SCAI: variants seen among roughly 807,000 people sequenced by gnomAD.
SCAI encodes the protein suppressor of cancer cell invasion, also known as protein SCAI.
Under a neutral mutation model 92.2 loss-of-function variants are expected in SCAI, and 24 were observed. The observed-to-expected ratio is 0.26, with a 90% CI of 0.19 to 0.37. The LOEUF is 0.37. Ranked by LOEUF, SCAI falls within the 10% of genes least tolerant of loss-of-function variation. SCAI has a pLI of 1.00. For missense variants in SCAI, 450 were observed against 736.2 expected (o/e 0.61, Z 4.50); for synonymous variants, 261 against 258.6 (o/e 1.01, Z -0.09).
chr9:124,958,933 A>G (rs1831376482), intron 17 of SCAI, among the ~76,000 whole-genome samples: 1 of 151,728 alleles, frequency 6.6e-6, no homozygotes, highest in African/African-American at 2.4e-5. Flanking sequence ...ACAAACAAAA[A>G]AACAAAATCT....
intron 15 of SCAI, 50 bp downstream of exon 15, chr9:124,976,064 A>T (rs778576601): frequency 9.0e-7 from 1 of 1,109,240 alleles, no homozygotes; most frequent in Non-Finnish European, 1.4e-6. Flanking sequence ...CATAATATAG[A>T]TAGTGTTTAT....
chr9:124,945,427 C>CGGGT lies in SCAI; in HGVS notation c.*7379_*7380insACCC, dbSNP rs1831130675. 1.3e-5 allele frequency: 2 copies of CGGGT among 152,008 alleles called. No homozygotes were observed. Among genetic ancestry groups the CGGGT allele is most frequent in the African/African-American group, 2.4e-5 (1 of 41,366 alleles). 9.4% of individuals were successfully genotyped at this position (152,008 alleles called of 1,614,324 possible). A position where few individuals can be genotyped will look rare whatever the true frequency, so the allele number is the denominator to read the frequency against. Reference sequence around the variant, plus strand: ...AAAATTAGCTGGTCGTGGTGGCACACGCCTGTAATCCCAGCTACTTGGGAG... The same window carrying CGGGT: ...AAAATTAGCTGGTCGTGGTGGCACACGGGTGCCTGTAATCCCAGCTACTTGGGAG... On this transcript the variant is annotated 3_prime_UTR_variant, in exon 18 of 18. Coordinates refer to ENST00000336505, the MANE Select transcript of SCAI (RefSeq NM_001144877.3).
At chr9:125,089,566 C>T (rs1349736925) in intron 2 of SCAI, among the ~76,000 whole-genome samples, 2 of 152,204 alleles carry the variant, frequency 1.3e-5, no homozygotes, top group Non-Finnish European at 2.9e-5. Flanking sequence ...AAGGCAGAAT[C>T]TTAGGCCCCA....
At chr9:125,002,080 A>C in intron 11 of SCAI, 37 bp from the exon 12 acceptor site, 1 of 1,304,606 alleles carries the variant, frequency 7.7e-7, no homozygotes, top group Non-Finnish European at 1.1e-6. Flanking sequence ...AAAACAACAA[A>C]CAAGGATAAA....
intron 2 of SCAI, among the ~76,000 whole-genome samples, chr9:125,131,476 G>T (rs1034525483): frequency 2.0e-5 from 3 of 151,866 alleles, no homozygotes; most frequent in Non-Finnish European, 2.9e-5. Flanking sequence ...CCTGAGGCTA[G>T]GCTTGTTAAC....
intron 9 of SCAI, among the ~76,000 whole-genome samples, chr9:125,011,484 A>G (rs1832638927): frequency 6.6e-6 from 1 of 152,226 alleles, no homozygotes; most frequent in South Asian, 2.1e-4. Context: ...GTTTAGAGAA[A>G]AAAGAATAAA....
intron 2 of SCAI, among the ~76,000 whole-genome samples, chr9:125,128,585 C>G (rs571394058): frequency 6.6e-6 from 1 of 151,636 alleles, no homozygotes; most frequent in Non-Finnish European, 1.5e-5. Flanking sequence ...AATGCCGTCT[C>G]TACTAAAAAT....
At chr9:124,956,571 T>C (rs1831318313) in intron 17 of SCAI, among the ~76,000 whole-genome samples, 1 of 152,172 alleles carries the variant, frequency 6.6e-6, no homozygotes, top group South Asian at 2.1e-4. Context: ...ACAGAATATA[T>C]TAGATCAGTA....
At chr9:124,963,811 T>G (rs1278191034) in intron 17 of SCAI, among the ~76,000 whole-genome samples, 1 of 87,736 alleles carries the variant, frequency 1.1e-5, no homozygotes, top group Non-Finnish European at 2.4e-5. Context: ...GGAAGAGAAA[T>G]ATATTTACTA....
intron 14 of SCAI, among the ~76,000 whole-genome samples, chr9:124,982,458 G>C (rs1048398563): frequency 1.3e-5 from 2 of 151,994 alleles, no homozygotes; most frequent in Non-Finnish European, 2.9e-5. Flanking sequence ...GTTCATCTGA[G>C]GTCAGGAGTT....
intron 9 of SCAI, among the ~76,000 whole-genome samples, chr9:125,014,621 G>A (rs576662950): frequency 6.6e-6 from 1 of 152,148 alleles, no homozygotes; most frequent in South Asian, 2.1e-4. Context: ...GTAATTTATA[G>A]ATTCAATGCC....
In SCAI at chr9:124,994,891, G is replaced by A; in HGVS notation, c.1326+43C>T. 2.2e-6 allele frequency: 3 copies of A among 1,368,772 alleles called. 1 individual carries two copies. Among genetic ancestry groups the A allele is most frequent in the South Asian group, 2.4e-5 (2 of 82,178 alleles). The allele number at this position is 1,368,772 out of a possible 1,614,324, so 84.8% of individuals were successfully genotyped here. Reference sequence around the variant, plus strand: ...ATTAAGAGTGGGTACCCTTGGGTTGGTGCCACAATGTCTACCTGTGCAATA... The same window carrying A: ...ATTAAGAGTGGGTACCCTTGGGTTGATGCCACAATGTCTACCTGTGCAATA... On this transcript the variant is annotated intron_variant, in intron 14 of 17. Coordinates refer to ENST00000336505, the MANE Select transcript of SCAI (RefSeq NM_001144877.3).
At chr9:125,021,959 C>T (rs1329237463) in intron 6 of SCAI, among the ~76,000 whole-genome samples, 1 of 152,116 alleles carries the variant, frequency 6.6e-6, no homozygotes, top group Non-Finnish European at 1.5e-5. Context: ...ACAACACACA[C>T]TTTATTGAAC....
intron 14 of SCAI, among the ~76,000 whole-genome samples, chr9:124,977,158 C>A (rs1424141354): frequency 6.6e-6 from 1 of 152,168 alleles, no homozygotes; most frequent in African/African-American, 2.4e-5. Context: ...CATGAGCCAG[C>A]ACGCCCAGCC....
chr9:125,084,399 T>G (rs1834285184), intron 2 of SCAI, among the ~76,000 whole-genome samples: 1 of 151,952 alleles, frequency 6.6e-6, no homozygotes, highest in African/African-American at 2.4e-5. Flanking sequence ...CTCGATCTCT[T>G]GACCTCATGA....
At chr9:124,975,567 G>A (rs1831737827) in intron 15 of SCAI, among the ~76,000 whole-genome samples, 1 of 152,146 alleles carries the variant, frequency 6.6e-6, no homozygotes, top group South Asian at 2.1e-4. Context: ...TGAAGAAATG[G>A]CCAAAACACT....
At chr9:124,972,310 A>T (rs1831676057) in intron 15 of SCAI, among the ~76,000 whole-genome samples, 1 of 152,216 alleles carries the variant, frequency 6.6e-6, no homozygotes, top group East Asian at 1.9e-4. Flanking sequence ...TTTAGTTACC[A>T]TTTATATGCC....
intron 2 of SCAI, among the ~76,000 whole-genome samples, chr9:125,119,447 T>A (rs925366957): frequency 2.0e-5 from 3 of 152,140 alleles, no homozygotes; most frequent in Admixed American, 1.3e-4. Context: ...TTAAAAAAAA[T>A]AATAATTTAA....
chr9:124,972,990 A>G (rs1831689224), intron 15 of SCAI, among the ~76,000 whole-genome samples: 1 of 152,226 alleles, frequency 6.6e-6, no homozygotes, highest in Admixed American at 6.5e-5. Flanking sequence ...TCCCTTATCC[A>G]AAATGCTTGG....
Sources: gnomAD v4.1 joint callset for allele counts (sites outside exome capture counted in the v4.1 genomes callset) on GRCh38, gnomAD v4.1.1 for gene constraint, MANE v1.5 for transcripts, NCBI Gene and HGNC (gene_info 2026-07-23, HGNC 2026-07-21) for gene names.